Variants in TAFA1 observed in about 807,000 individuals in gnomAD.
TAFA1 encodes the protein chemokine-like protein TAFA-1.
A neutral mutation model predicts 18.5 loss-of-function variants in TAFA1; 4 were observed. The ratio of observed to expected loss-of-function variants is 0.22; its 90% CI spans 0.11 to 0.49. The LOEUF is 0.49. Ranked by LOEUF, TAFA1 falls within the 20% of genes least tolerant of loss-of-function variation. The probability of loss-of-function intolerance (pLI) is 0.98; values close to 1 mark genes in which losing one functional copy is unlikely to be tolerated. For synonymous variants in TAFA1, 56 were observed against 55.2 expected, an observed-to-expected ratio of 1.01 and a Z score of -0.06; for missense variants, 147 against 169.0, an observed-to-expected ratio of 0.87 and a Z score of 0.72.
chr3:68,047,476 T>C (rs2064403720), intron 2 of TAFA1, among the ~76,000 whole-genome samples: 1 of 152,170 alleles, frequency 6.6e-6, no homozygotes, highest in South Asian at 2.1e-4. Context: ...TTAATGAAGA[T>C]GGGAAGCCCT....
intron 2 of TAFA1, among the ~76,000 whole-genome samples, chr3:68,191,945 C>A (rs569573227): frequency 6.6e-6 from 1 of 151,934 alleles, no homozygotes; most frequent in East Asian, 1.9e-4. Context: ...TATTCACTTT[C>A]TTTGCTTCAA....
intron 3 of TAFA1, among the ~76,000 whole-genome samples, chr3:68,422,926 C>A (rs550300008): frequency 2.0e-5 from 3 of 151,338 alleles, no homozygotes; most frequent in African/African-American, 7.3e-5. Flanking sequence ...TTACCTACAG[C>A]CTTTCATTAA....
chr3:68,002,904 T>C (rs146075232), upstream of TAFA1, among the ~76,000 whole-genome samples: 2,454 of 152,308 alleles, frequency 0.016, 71 homozygotes, highest in African/African-American at 0.056. Flanking sequence ...AGACATACTA[T>C]AGAATGTGCT....
intron 2 of TAFA1, among the ~76,000 whole-genome samples, chr3:68,385,549 C>G (rs970837833): frequency 1.3e-5 from 2 of 151,990 alleles, no homozygotes; most frequent in Non-Finnish European, 2.9e-5. Context: ...TCGTTTCTGC[C>G]TTGAAAGTTG....
At chr3:68,276,573 G>A (rs1257690453) in intron 2 of TAFA1, among the ~76,000 whole-genome samples, 2 of 152,110 alleles carry the variant, frequency 1.3e-5, no homozygotes, top group African/African-American at 2.4e-5. Context: ...ACTGTGTATC[G>A]TACATGCATT....
chr3:68,148,721 T>A (rs1353822280), intron 2 of TAFA1, among the ~76,000 whole-genome samples: 1 of 152,184 alleles, frequency 6.6e-6, no homozygotes, highest in Non-Finnish European at 1.5e-5. Flanking sequence ...GAAGCCCAGG[T>A]GCAGCTCTGC....
chr3:68,154,604 C>A (rs1465400747), intron 2 of TAFA1, among the ~76,000 whole-genome samples: 1 of 152,180 alleles, frequency 6.6e-6, no homozygotes, highest in Non-Finnish European at 1.5e-5. Flanking sequence ...CATGGGAGTC[C>A]AGAGACCAGG....
intron 2 of TAFA1, among the ~76,000 whole-genome samples, chr3:68,152,240 T>G (rs2065814557): frequency 6.6e-6 from 1 of 152,188 alleles, no homozygotes; most frequent in African/African-American, 2.4e-5. Flanking sequence ...AGGCTGTTTG[T>G]TGAGAATGCT....
intron 2 of TAFA1, among the ~76,000 whole-genome samples, chr3:68,194,665 G>C (rs1051265919): frequency 4.0e-5 from 6 of 151,672 alleles, no homozygotes; most frequent in Non-Finnish European, 8.9e-5. Flanking sequence ...ATCCATTTCT[G>C]TTGTTGTAGG....
intron 3 of TAFA1, among the ~76,000 whole-genome samples, chr3:68,461,239 G>A (rs566780194): frequency 2.0e-4 from 30 of 151,600 alleles, no homozygotes; most frequent in South Asian, 6.3e-4. Flanking sequence ...CCAAGATTGC[G>A]CCACTGCACT....
chr3:68,521,174 G>A (rs137900964), intron 3 of TAFA1, among the ~76,000 whole-genome samples: 1 of 152,332 alleles, frequency 6.6e-6, no homozygotes, highest in East Asian at 1.9e-4. Flanking sequence ...GTGACTTAAG[G>A]ACCAGGCCAG....
intron 2 of TAFA1, among the ~76,000 whole-genome samples, chr3:68,192,245 T>G (rs1445495459): frequency 6.6e-6 from 1 of 151,780 alleles, no homozygotes. Context: ...TGATTAAAAT[T>G]ATGATAAATG....
chr3:68,084,210 G>A (rs1322515547), intron 2 of TAFA1, among the ~76,000 whole-genome samples: 1 of 152,182 alleles, frequency 6.6e-6, no homozygotes, highest in Non-Finnish European at 1.5e-5. Flanking sequence ...TATAGGTGTG[G>A]CAGGCACCTC....
intron 3 of TAFA1, among the ~76,000 whole-genome samples, chr3:68,456,197 G>C (rs1428246185): frequency 6.6e-6 from 1 of 152,000 alleles, no homozygotes; most frequent in Non-Finnish European, 1.5e-5. Context: ...CCTGGAAATT[G>C]GTATTTATCT....
chr3:68,138,955 AGG>A (rs1396749343), intron 2 of TAFA1, among the ~76,000 whole-genome samples: 31 of 152,182 alleles, frequency 2.0e-4, no homozygotes, highest in African/African-American at 7.2e-4. Context: ...CCTCTGTCAA[AGG>A]GAGAAACTAA....
chr3:68,023,188 A>G (rs772562570), intron 2 of TAFA1, among the ~76,000 whole-genome samples: 1 of 151,994 alleles, frequency 6.6e-6, no homozygotes, highest in Non-Finnish European at 1.5e-5. Flanking sequence ...AAGTAAATGT[A>G]TGTCAGGATA....
At chr3:68,248,414 T>C (rs999270890) in intron 2 of TAFA1, among the ~76,000 whole-genome samples, 1 of 152,090 alleles carries the variant, frequency 6.6e-6, no homozygotes, top group Non-Finnish European at 1.5e-5. Flanking sequence ...TTAGGCTTGA[T>C]GTTTCTAGAA....
intron 3 of TAFA1, among the ~76,000 whole-genome samples, chr3:68,460,963 A>C (rs1279035062): frequency 6.6e-6 from 1 of 152,178 alleles, no homozygotes; most frequent in Non-Finnish European, 1.5e-5. Flanking sequence ...CTTAGTGCCC[A>C]AGATAGGGCA....
chr3:68,039,124 G>C (rs7431117), intron 2 of TAFA1, among the ~76,000 whole-genome samples: 87,556 of 152,008 alleles, frequency 0.58, 25,993 homozygotes, highest in Admixed American at 0.66. Flanking sequence ...CTAGTTGATT[G>C]ATGGCTACTG....
Sources: allele counts gnomAD v4.1 joint callset (sites outside exome capture counted in the v4.1 genomes callset), GRCh38; gene constraint gnomAD v4.1.1; transcripts MANE v1.5; gene names NCBI Gene and HGNC (gene_info 2026-07-23, HGNC 2026-07-21).